The following OGN variants were observed in gnomAD, a reference collection of about 807,000 sequenced individuals.
OGN encodes the protein osteoglycin.
Under a neutral mutation model 30.8 loss-of-function variants are expected in OGN, and 19 were observed. The observed-to-expected ratio is 0.62, with a 90% confidence interval of 0.43 to 0.90. OGN has a LOEUF of 0.90. OGN is among the 40% of genes least tolerant of loss of function. The pLI is 0.00. For missense variants in OGN, 283 were observed against 349.7 expected, an observed-to-expected ratio of 0.81 and a Z score of 1.52; for synonymous variants, 126 against 128.3, an observed-to-expected ratio of 0.98 and a Z score of 0.12.
Position 92,385,522 on chromosome 9 carries a change from A to G in OGN, c.*98T>C, listed in dbSNP as rs1842382953. Reference sequence around the variant, plus strand: ...ATTAAATTCCTTCAAAATGAGATACAAGGTTAATATTAAACCAATACTTAA... The same window carrying G: ...ATTAAATTCCTTCAAAATGAGATACGAGGTTAATATTAAACCAATACTTAA... On this transcript the variant is annotated 3_prime_UTR_variant, in exon 7 of 7. Coordinates refer to ENST00000375561, the MANE Select transcript of OGN (RefSeq NM_014057.5). 2 of 997,300 alleles carry G rather than the reference A, an allele frequency of 2.0e-6. No individual in the cohort carries two copies. The highest frequency in any genetic ancestry group is 2.5e-5 in the Admixed American group (1 of 40,442). The allele number at this position is 997,300 out of a possible 1,614,324, so 61.8% of individuals were successfully genotyped here. A position where few individuals can be genotyped will look rare whatever the true frequency, so the allele number is the denominator to read the frequency against.
chr9:92,390,129 G>T, intron 4 of OGN, 73 bp from the exon 5 acceptor site: 1 of 839,138 alleles, frequency 1.2e-6, no homozygotes, highest in Non-Finnish European at 1.9e-6. Context: ...AAAAGCATTT[G>T]TTTAACAGAT....
Position 92,401,082 on chromosome 9 carries a change from T to G in OGN, c.268+10A>C. On this transcript the variant is annotated intron_variant, in intron 3 of 6. Coordinates refer to ENST00000375561, the MANE Select transcript of OGN (RefSeq NM_014057.5). ...AAGATCCATTTGAAAAATATTTAGATGATACTTACCATCATTTTCTTTCTT... is the reference window on the plus strand; with the variant it reads ...AAGATCCATTTGAAAAATATTTAGAGGATACTTACCATCATTTTCTTTCTT... 1 of 1,266,172 alleles carries G rather than the reference T, an allele frequency of 7.9e-7. No individual in the cohort carries two copies. Among genetic ancestry groups the G allele is most frequent in the Non-Finnish European group, 1.1e-6 (1 of 874,512 alleles). 78.4% of individuals were successfully genotyped at this position (1,266,172 alleles called of 1,614,324 possible).
intron 3 of OGN, among the ~76,000 whole-genome samples, chr9:92,394,479 G>A (rs1451650709): frequency 2.7e-5 from 4 of 149,304 alleles, no homozygotes; most frequent in African/African-American, 9.9e-5. Flanking sequence ...TCTCGAACAT[G>A]ACCTCAAGTG....
intron 3 of OGN, among the ~76,000 whole-genome samples, 158 bp from the exon 4 acceptor site, chr9:92,393,402 G>T (rs1016512126): frequency 2.6e-5 from 4 of 152,132 alleles, no homozygotes; most frequent in Non-Finnish European, 4.4e-5. Context: ...TACCTATATT[G>T]TGCTTGATAA....
intron 2 of OGN, among the ~76,000 whole-genome samples, chr9:92,402,246 G>A (rs1843145091): frequency 6.6e-6 from 1 of 151,956 alleles, no homozygotes; most frequent in Non-Finnish European, 1.5e-5. Flanking sequence ...TCTTAGTGAT[G>A]GGCAAAAATA....
At chr9:92,394,067 A>G (rs762851340) in intron 3 of OGN, among the ~76,000 whole-genome samples, 2 of 152,156 alleles carry the variant, frequency 1.3e-5, no homozygotes, top group African/African-American at 2.4e-5. Flanking sequence ...GTGACATTGT[A>G]CTTTCATATA....
In OGN at chr9:92,389,931, G is replaced by T; in HGVS notation, c.553C>A (p.Leu185Ile). Reference protein sequence around the residue: ...AENQLLKLPVLPPKLTLFNAK... With the variant: ...AENQLLKLPVIPPKLTLFNAK... ...TTAAATAAAGTGAGCTTGGGAGGAAGAACTGGAAGTTTTAGTAGTTGATTT... is the reference window on the plus strand; with the variant it reads ...TTAAATAAAGTGAGCTTGGGAGGAATAACTGGAAGTTTTAGTAGTTGATTT... Residue 185 changes from leucine to isoleucine, a missense_variant, in exon 5 of 7, where the codon CTT becomes ATT. Coordinates refer to ENST00000375561, the MANE Select transcript of OGN (RefSeq NM_014057.5). The T allele has an allele frequency of 1.2e-6, 2 of 1,613,238 alleles. No homozygotes were observed. Among genetic ancestry groups the T allele is most frequent in the Non-Finnish European group, 1.7e-6 (2 of 1,179,474 alleles).
Position 92,383,835 on chromosome 9 carries a change from G to A in OGN, c.*1785C>T, listed in dbSNP as rs1006875660. 1 of 151,450 alleles carries A rather than the reference G, an allele frequency of 6.6e-6. No homozygotes were observed. The highest frequency in any genetic ancestry group is 1.5e-5 in the Non-Finnish European group (1 of 67,842). The allele number at this position is 151,450 out of a possible 1,614,324, so 9.4% of individuals were successfully genotyped here. ...TTTCTTAATTTGAGAGTTATTTGATGGTGTTTTGCTCCATAAGTTTTATCA... is the reference window on the plus strand; with the variant it reads ...TTTCTTAATTTGAGAGTTATTTGATAGTGTTTTGCTCCATAAGTTTTATCA... On this transcript the variant is annotated 3_prime_UTR_variant, in exon 7 of 7. Coordinates refer to ENST00000375561, the MANE Select transcript of OGN (RefSeq NM_014057.5).
chr9:92,395,254 T>C (rs1842848311), intron 3 of OGN, among the ~76,000 whole-genome samples: 1 of 152,178 alleles, frequency 6.6e-6, no homozygotes, highest in Non-Finnish European at 1.5e-5. Flanking sequence ...TATACATTAG[T>C]TTGCATTTAG....
intron 2 of OGN, among the ~76,000 whole-genome samples, chr9:92,402,272 A>C (rs1843146246): frequency 6.6e-6 from 1 of 152,170 alleles, no homozygotes; most frequent in African/African-American, 2.4e-5. Context: ...ATCATATTAA[A>C]AGCATTAACT....
At chr9:92,401,425 A>G (rs1354623728) in intron 2 of OGN, among the ~76,000 whole-genome samples, 1 of 152,182 alleles carries the variant, frequency 6.6e-6, no homozygotes. Flanking sequence ...TTATTTTTAT[A>G]TCGCCAGTAG....
intron 3 of OGN, among the ~76,000 whole-genome samples, chr9:92,394,648 A>G (rs1425456645): frequency 6.6e-6 from 1 of 151,902 alleles, no homozygotes; most frequent in Non-Finnish European, 1.5e-5. Flanking sequence ...TTCGTCACCC[A>G]GGTTGGAGTG....
In OGN at chr9:92,383,699, C is replaced by G. The variant is rs561563287; in HGVS notation, c.*1921G>C. 8.6e-5 allele frequency among the ~76,000 whole-genome samples: 13 copies of G among 151,962 alleles called. No homozygotes were observed. The East Asian group carries it at 2.5e-3, about 29-fold the overall frequency. ...TAAGGTATGCATGTTCATATATATC[C>G]TCTTATCTAGAAATCCCCAAATTAT... On this transcript the variant is annotated 3_prime_UTR_variant, in exon 7 of 7. Transcript: ENST00000375561.
intron 4 of OGN, among the ~76,000 whole-genome samples, chr9:92,390,587 T>TGTGTGTGTGTGTGTGCGCGC (rs749697394): frequency 2.0e-3 from 277 of 141,910 alleles, no homozygotes; most frequent in Non-Finnish European, 3.1e-3. Flanking sequence ...TGTGTGTGTG[T>TGTGTGTGTGTGTGTGCGCGC]GCGCGCGCGC....
Position 92,385,563 on chromosome 9 carries a change from G to A in OGN, c.*57C>T. The A allele has an allele frequency of 6.8e-7, 1 of 1,466,354 alleles. No homozygotes were observed. Among genetic ancestry groups the A allele is most frequent in the Admixed American group, 1.8e-5 (1 of 56,040 alleles). The allele number at this position is 1,466,354 out of a possible 1,614,324, so 90.8% of individuals were successfully genotyped here. Reference sequence around the variant, plus strand: ...CAATACTTAAGTTCCTTTACTCATTGTTGAGACAGACTATTAGTGTAGGTG... The same window carrying A: ...CAATACTTAAGTTCCTTTACTCATTATTGAGACAGACTATTAGTGTAGGTG... On this transcript the variant is annotated 3_prime_UTR_variant, in exon 7 of 7. Transcript: ENST00000375561.
intron 5 of OGN, among the ~76,000 whole-genome samples, chr9:92,388,454 A>C (rs1430529585): frequency 2.0e-5 from 3 of 151,946 alleles, no homozygotes; most frequent in Non-Finnish European, 2.9e-5. Flanking sequence ...GAGCCACTGA[A>C]CCTGTCCTGA....
intron 3 of OGN, among the ~76,000 whole-genome samples, chr9:92,398,183 A>G (rs1365297434): frequency 1.3e-5 from 2 of 152,230 alleles, no homozygotes; most frequent in African/African-American, 2.4e-5. Context: ...CTGAAGGTAT[A>G]TAGGAAAATG....
intron 5 of OGN, among the ~76,000 whole-genome samples, chr9:92,386,877 C>T (rs963329217): frequency 1.3e-5 from 2 of 151,160 alleles, no homozygotes; most frequent in Non-Finnish European, 3.0e-5. Context: ...CCACCATGCC[C>T]GGCCTAAAAA....
In OGN at chr9:92,385,743, A is replaced by G. The variant is rs367640138; in HGVS notation, c.774T>C (p.Asn258=). 2 of 1,614,184 alleles carry G rather than the reference A, an allele frequency of 1.2e-6. No individual in the cohort carries two copies. Among genetic ancestry groups the G allele is most frequent in the Non-Finnish European group, 1.7e-6 (2 of 1,180,016 alleles). ...TGCGGTCCCGGATGTAACTGGTGTCATTAGCCTTGCAGAATGTGTCATCTG... is the reference window on the plus strand; with the variant it reads ...TGCGGTCCCGGATGTAACTGGTGTCGTTAGCCTTGCAGAATGTGTCATCTG... ...SITDDTFCKA[N]DTSYIRDRIE... is the part of the protein sequence containing the mutation. Residue 258 remains asparagine (N), a synonymous_variant, in exon 7 of 7, where the codon AAT becomes AAC. Coordinates refer to ENST00000375561, the MANE Select transcript of OGN (RefSeq NM_014057.5).
Sources: gnomAD v4.1 joint callset for allele counts (sites outside exome capture counted in the v4.1 genomes callset) on GRCh38, gnomAD v4.1.1 for gene constraint, MANE v1.5 for transcripts, NCBI Gene and HGNC (gene_info 2026-07-23, HGNC 2026-07-21) for gene names.